Variants in SLC14A2 observed in about 807,000 individuals in gnomAD.
SLC14A2 encodes the protein solute carrier family 14 member 2.
In SLC14A2, 91 loss-of-function variants were observed where a neutral mutation model predicts 104.6. That is an observed-to-expected ratio of 0.87 (90% CI 0.73 to 1.04). SLC14A2 has a LOEUF of 1.04. SLC14A2 is among the 50% of genes least tolerant of loss of function. The probability of loss-of-function intolerance (pLI) is 0.00; values close to 1 mark genes in which losing one functional copy is unlikely to be tolerated. For synonymous variants in SLC14A2, 476 were observed against 466.4 expected, an observed-to-expected ratio of 1.02 and a Z score of -0.27; for missense variants, 1,189 against 1,156.0, an observed-to-expected ratio of 1.03 and a Z score of -0.41.
At chr18:45,678,849 T>G in intron 18 of SLC14A2, 126 bp from the exon 19 acceptor site, 2 of 888,696 alleles carry the variant, frequency 2.3e-6, no homozygotes, top group Non-Finnish European at 3.3e-6. Flanking sequence ...ATAACTCAAA[T>G]TTTTAAAAAA....
At chr18:45,526,865 T>G (rs889326983) in intron 2 of SLC14A2, among the ~76,000 whole-genome samples, 2 of 152,114 alleles carry the variant, frequency 1.3e-5, no homozygotes, top group Admixed American at 1.3e-4. Context: ...AAATTCACCA[T>G]GACCCCACAA....
At chr18:45,567,362 A>G (rs929579747) in intron 2 of SLC14A2, among the ~76,000 whole-genome samples, 75 of 151,612 alleles carry the variant, frequency 4.9e-4, no homozygotes, top group African/African-American at 1.6e-3. Flanking sequence ...CCTGCATTTG[A>G]CCTCCCTACC....
At chr18:45,485,062 T>A (rs2087574311) in intron 2 of SLC14A2, 2 of 152,220 alleles carry the variant, frequency 1.3e-5, no homozygotes, top group South Asian at 4.1e-4. Flanking sequence ...TCTTGTGTAG[T>A]GCTTTAGCAT....
At chr18:45,321,048 T>G (rs2085179987) in intron 1 of SLC14A2, among the ~76,000 whole-genome samples, 1 of 152,242 alleles carries the variant, frequency 6.6e-6, no homozygotes, top group Non-Finnish European at 1.5e-5. Context: ...TGCTTCCACA[T>G]TCTGGGCCTG....
At chr18:45,461,640 A>G (rs1468915441) in intron 1 of SLC14A2, among the ~76,000 whole-genome samples, 1 of 152,192 alleles carries the variant, frequency 6.6e-6, no homozygotes, top group African/African-American at 2.4e-5. Context: ...TCAGCCTCAT[A>G]TTTAGACAGA....
At chr18:45,398,870 A>G (rs538004211) in intron 1 of SLC14A2, among the ~76,000 whole-genome samples, 21 of 152,328 alleles carry the variant, frequency 1.4e-4, no homozygotes, top group East Asian at 1.3e-3. Context: ...ACAGACTATC[A>G]GTTTAGGATG....
rs184309621 is a variant in SLC14A2 at position 45,240,350 on chromosome 18, C to T, written c.-125+27159C>T. 2.0e-5 allele frequency among the ~76,000 whole-genome samples: 3 copies of T among 151,858 alleles called. No homozygotes were observed. In the East Asian group the frequency reaches 5.8e-4, roughly 30 times the overall value. On this transcript the variant is annotated intron_variant, in intron 1 of 20. Transcript: ENST00000586448. ...GACCTCGTGATCAGCCCACCTCGGC[C>T]CCCCAAAGCTCTGGGATTACAGGCA...
At chr18:45,467,141 G>A (rs2087158788) in intron 1 of SLC14A2, among the ~76,000 whole-genome samples, 1 of 152,120 alleles carries the variant, frequency 6.6e-6, no homozygotes, top group Non-Finnish European at 1.5e-5. Context: ...TGTGATGGGA[G>A]AAGTCACCAA....
intron 8 of SLC14A2, 27 bp from the exon 9 acceptor site, chr18:45,643,105 A>G: frequency 1.2e-6 from 2 of 1,613,230 alleles, no homozygotes. Context: ...TGGGAAGCTC[A>G]CTCTGGTGAT....
At chr18:45,500,180 C>T (rs899090763) in intron 2 of SLC14A2, among the ~76,000 whole-genome samples, 1 of 152,184 alleles carries the variant, frequency 6.6e-6, no homozygotes, top group Non-Finnish European at 1.5e-5. Context: ...ATAATCACTC[C>T]TCCTGATCAC....
intron 1 of SLC14A2, among the ~76,000 whole-genome samples, chr18:45,334,060 A>G (rs943656155): frequency 2.6e-5 from 4 of 152,114 alleles, no homozygotes; most frequent in African/African-American, 4.8e-5. Context: ...CTGGCATCCT[A>G]TTTGTTCAGC....
In SLC14A2 at chr18:45,669,389, CTT is replaced by C; in HGVS notation, c.2122_2123del (p.Leu708ValfsTer51). On this transcript the variant is annotated frameshift_variant, in exon 16 of 20. Transcript: ENST00000255226. LOFTEE classifies it high-confidence loss of function. ...ACACTGCCCTTCAATATCACTGTGA[CTT>C]TGTACCTGGCAGCCACGGGCCACTA... is the stretch of plus-strand genomic sequence containing the variant. The C allele has an allele frequency of 6.2e-7, 1 of 1,613,798 alleles. No individual in the cohort carries two copies. Among genetic ancestry groups the C allele is most frequent in the African/African-American group, 1.3e-5 (1 of 75,050 alleles).
chr18:45,639,710 C>T, intron 6 of SLC14A2, 36 bp from the exon 7 acceptor site: 1 of 1,606,374 alleles, frequency 6.2e-7, no homozygotes, highest in Non-Finnish European at 8.5e-7. Flanking sequence ...CATTATTGTC[C>T]ATGCTCCAGT....
intron 1 of SLC14A2, among the ~76,000 whole-genome samples, chr18:45,388,064 C>CTTTTTT (rs58962313): frequency 7.2e-5 from 5 of 69,052 alleles, no homozygotes; most frequent in African/African-American, 1.2e-4. Flanking sequence ...TTGCTCATAT[C>CTTTTTT]TTTTTTTTTT....
At chr18:45,655,898 C>T (rs763426823) in intron 10 of SLC14A2, among the ~76,000 whole-genome samples, 5 of 152,108 alleles carry the variant, frequency 3.3e-5, no homozygotes, top group Admixed American at 6.5e-5. Context: ...TGTAAAACAC[C>T]TACCATTGCA....
chr18:45,504,966 G>C (rs1191157778), intron 2 of SLC14A2, among the ~76,000 whole-genome samples: 1 of 152,186 alleles, frequency 6.6e-6, no homozygotes, highest in Non-Finnish European at 1.5e-5. Context: ...TTGATGAGAT[G>C]GTGAGATTTG....
Position 45,644,016 on chromosome 18 carries a change from T to C in SLC14A2, c.1207T>C (p.Cys403Arg). 1 of 1,614,216 alleles carries C rather than the reference T, an allele frequency of 6.2e-7. No homozygotes were observed. The highest frequency in any genetic ancestry group is 8.5e-7 in the Non-Finnish European group (1 of 1,180,010). Residue 403 changes from cysteine to arginine, a missense_variant, in exon 10 of 20, where the codon TGC (cysteine) becomes CGC (arginine). By Grantham distance (180) the Cys-to-Arg change is radical. Coordinates refer to ENST00000255226, the MANE Select transcript of SLC14A2 (RefSeq NM_007163.4). ...CGTGCCACCAGGCACCTGGGCCTTC[T>C]GCCTTGCCACCATCATCTTCCTGCT... ...VGVPPGTWAF[C>R]LATIIFLLLT...
At chr18:45,412,853 G>A (rs2086228966) in intron 1 of SLC14A2, among the ~76,000 whole-genome samples, 1 of 152,166 alleles carries the variant, frequency 6.6e-6, no homozygotes. Flanking sequence ...GTGACAGGGT[G>A]GAAGTGTGGC....
intron 1 of SLC14A2, among the ~76,000 whole-genome samples, chr18:45,399,343 C>T (rs765010977): frequency 6.6e-6 from 1 of 152,162 alleles, no homozygotes; most frequent in East Asian, 1.9e-4. Context: ...GCTTGCAGTG[C>T]TGAGCGTGAG....
Sources: gnomAD v4.1 joint callset for allele counts (sites outside exome capture counted in the v4.1 genomes callset) on GRCh38, gnomAD v4.1.1 for gene constraint, MANE v1.5 for transcripts, NCBI Gene and HGNC (gene_info 2026-07-23, HGNC 2026-07-21) for gene names.